SSH2: variants seen among roughly 807,000 people sequenced by gnomAD.
SSH2 encodes the protein slingshot protein phosphatase 2, also known as protein phosphatase Slingshot homolog 2.
In SSH2, 37 loss-of-function variants were observed where a neutral mutation model predicts 135.2. The ratio of observed to expected loss-of-function variants is 0.27; its 90% CI spans 0.21 to 0.36. The LOEUF (loss-of-function observed/expected upper bound fraction) is 0.36, where lower values mean the gene tolerates loss of function less well. SSH2 is among the 10% of genes least tolerant of loss of function. SSH2 has a pLI of 1.00. For synonymous variants in SSH2, 628 were observed against 646.2 expected (o/e 0.97, Z 0.43); for missense variants, 1,408 against 1,765.3 (o/e 0.80, Z 3.63).
At chr17:29,812,160 TC>T (rs1366974577) in intron 2 of SSH2, among the ~76,000 whole-genome samples, 11 of 149,804 alleles carry the variant, frequency 7.3e-5, no homozygotes, top group African/African-American at 2.2e-4. Flanking sequence ...TAGTATGTGT[TC>T]TTTTTTTTTT....
At chr17:29,886,946 C>G (rs1031276539) in intron 1 of SSH2, among the ~76,000 whole-genome samples, 3 of 152,006 alleles carry the variant, frequency 2.0e-5, no homozygotes, top group African/African-American at 7.3e-5. Context: ...ATGTGGTATC[C>G]TTAAGTGCTA....
At chr17:29,803,149 G>A (rs941300598) in intron 2 of SSH2, among the ~76,000 whole-genome samples, 2 of 152,194 alleles carry the variant, frequency 1.3e-5, no homozygotes, top group Non-Finnish European at 2.9e-5. Flanking sequence ...AGAAAAAACA[G>A]CTGTTTGGGT....
chr17:29,703,736 G>A lies in SSH2; in HGVS notation c.189-674C>T, dbSNP rs557970108. On this transcript the variant is annotated intron_variant, in intron 3 of 15. Coordinates refer to ENST00000540801, the MANE Select transcript of SSH2 (RefSeq NM_001282129.2). ...TGGGATTACAGGAGCGAGCCACCAC[G>A]ACCAGCTAATTTTTGTATTTTTAAT... Among the ~76,000 whole-genome samples the A allele has an allele frequency of 5.3e-5, 8 of 151,988 alleles. No homozygotes were observed. The South Asian group carries it at 8.3e-4, about 16-fold the overall frequency.
At chr17:29,650,552 C>A in intron 13 of SSH2, 102 bp downstream of exon 13, 1 of 1,150,026 alleles carries the variant, frequency 8.7e-7, no homozygotes, top group South Asian at 2.0e-5. Context: ...GTTCCTTTTT[C>A]CTGAGTACCA....
chr17:29,761,975 G>A (rs1018549963), intron 3 of SSH2, among the ~76,000 whole-genome samples: 4 of 151,634 alleles, frequency 2.6e-5, no homozygotes, highest in Non-Finnish European at 4.4e-5. Context: ...CCGCCTCCCA[G>A]GTTCAAGCGA....
At chr17:29,795,536 C>A (rs913911880) in intron 2 of SSH2, among the ~76,000 whole-genome samples, 1 of 152,034 alleles carries the variant, frequency 6.6e-6, no homozygotes, top group African/African-American at 2.4e-5. Context: ...TGGGAAAGAG[C>A]TGTCTCTAGA....
chr17:29,738,585 G>C (rs74634370), intron 3 of SSH2, among the ~76,000 whole-genome samples: 2 of 141,848 alleles, frequency 1.4e-5, no homozygotes, highest in African/African-American at 2.6e-5. Flanking sequence ...ACGGAGTCTC[G>C]CTCTGTTGCC....
intron 1 of SSH2, among the ~76,000 whole-genome samples, chr17:29,869,092 C>T (rs1035335813): frequency 3.9e-5 from 6 of 152,176 alleles, no homozygotes; most frequent in African/African-American, 1.4e-4. Context: ...AAGAAATGAA[C>T]ATTTCTCTAA....
chr17:29,735,875 T>A (rs1391524730), intron 3 of SSH2, among the ~76,000 whole-genome samples: 1 of 151,928 alleles, frequency 6.6e-6, no homozygotes, highest in East Asian at 1.9e-4. Flanking sequence ...GGCGGGCAGA[T>A]CACTTGAGCT....
At position 29,631,946 on chromosome 17, in the gene SSH2, A is replaced by C; in HGVS notation, c.3248T>G (p.Leu1083Arg). 1 of 1,614,202 alleles carries C rather than the reference A, an allele frequency of 6.2e-7. No individual in the cohort carries two copies. Among genetic ancestry groups the C allele is most frequent in the Non-Finnish European group, 8.5e-7 (1 of 1,180,028 alleles). ...MEKSVTVLCT[L>R]DENLNRTLDP... ...CAGAGTCCTGTTTAGATTTTCATCCAGTGTGCAGAGCACAGTGACAGATTT... is the reference window on the plus strand; with the variant it reads ...CAGAGTCCTGTTTAGATTTTCATCCCGTGTGCAGAGCACAGTGACAGATTT... The change falls in exon 16 of 16, where the codon CTG (leucine) becomes CGG (arginine). Residue 1083 changes from leucine to arginine, a missense_variant. Around this residue, in one of 3 missense-constraint regions of SSH2, gnomAD observed 1,080 missense variants for 1,144.5 expected, o/e 0.94. Coordinates refer to ENST00000540801, the MANE Select transcript of SSH2 (RefSeq NM_001282129.2).
intron 1 of SSH2, among the ~76,000 whole-genome samples, chr17:29,922,313 CA>C (rs2066989616): frequency 6.6e-6 from 1 of 152,038 alleles, no homozygotes; most frequent in Non-Finnish European, 1.5e-5. Flanking sequence ...AAGAATAATA[CA>C]AACTGAATTA....
chr17:29,669,012 G>C (rs1209605723), intron 9 of SSH2, among the ~76,000 whole-genome samples: 1 of 152,258 alleles, frequency 6.6e-6, no homozygotes, highest in East Asian at 1.9e-4. Flanking sequence ...ACTTTGGGAG[G>C]CTGAGGCAGG....
intron 1 of SSH2, among the ~76,000 whole-genome samples, chr17:29,877,273 C>A (rs752132689): frequency 2.0e-5 from 3 of 152,038 alleles, no homozygotes; most frequent in Non-Finnish European, 1.5e-5. Flanking sequence ...AACTGTTGAT[C>A]GGAATGTAAA....
At chr17:29,654,534 G>A (rs1277491696) in intron 12 of SSH2, among the ~76,000 whole-genome samples, 1 of 152,148 alleles carries the variant, frequency 6.6e-6, no homozygotes. Context: ...CTACCTCTGA[G>A]TCTCAGCTGG....
At chr17:29,657,891 C>T (rs2036858986) in intron 11 of SSH2, among the ~76,000 whole-genome samples, 1 of 151,394 alleles carries the variant, frequency 6.6e-6, no homozygotes, top group South Asian at 2.1e-4. Flanking sequence ...TAATCTAGAA[C>T]AGTACATCTT....
intron 3 of SSH2, among the ~76,000 whole-genome samples, chr17:29,711,699 C>T (rs1258999476): frequency 6.6e-6 from 1 of 152,146 alleles, no homozygotes; most frequent in East Asian, 1.9e-4. Flanking sequence ...TTGTAGGAAG[C>T]TGGAATGTGG....
chr17:29,799,803 G>T (rs144185659), intron 2 of SSH2, among the ~76,000 whole-genome samples: 3 of 152,258 alleles, frequency 2.0e-5, no homozygotes, highest in Non-Finnish European at 4.4e-5. Flanking sequence ...TACTTTATAT[G>T]TTGTTTCACT....
chr17:29,822,084 A>T (rs1253465172), intron 2 of SSH2, among the ~76,000 whole-genome samples: 1 of 152,238 alleles, frequency 6.6e-6, no homozygotes, highest in Non-Finnish European at 1.5e-5. Flanking sequence ...CACAGATGGA[A>T]CCAGATTCAT....
At chr17:29,744,860 A>AGTGT (rs71689248) in intron 3 of SSH2, among the ~76,000 whole-genome samples, 7,512 of 140,442 alleles carry the variant, frequency 0.053, 200 homozygotes, top group South Asian at 0.086. Flanking sequence ...GGATTACTTG[A>AGTGT]GTGTGTGTGT....
Sources: gnomAD v4.1 joint callset for allele counts (sites outside exome capture counted in the v4.1 genomes callset) on GRCh38, gnomAD v4.1.1 for gene constraint, gnomAD v4.1.1 regional missense constraint, MANE v1.5 for transcripts, NCBI Gene and HGNC (gene_info 2026-07-23, HGNC 2026-07-21) for gene names.